Variants in BCLAF1 observed in about 807,000 individuals in gnomAD.
BCLAF1 encodes BCL2 associated transcription factor 1.
Under a neutral mutation model 99.5 loss-of-function variants are expected in BCLAF1, and 10 were observed. The observed-to-expected ratio is 0.10, with a 90% CI of 0.06 to 0.17. BCLAF1 has a LOEUF of 0.17. Ranked by LOEUF, BCLAF1 falls within the 10% of genes least tolerant of loss-of-function variation. The pLI is 1.00. For missense variants in BCLAF1, 636 were observed against 1,105.8 expected, an observed-to-expected ratio of 0.58 and a Z score of 6.02; for synonymous variants, 255 against 370.9, an observed-to-expected ratio of 0.69 and a Z score of 3.59.
Position 136,276,353 on chromosome 6 carries a change from T to C in BCLAF1, c.1172A>G (p.Lys391Arg). The change falls in exon 5 of 13, where the codon AAA becomes AGA. Residue 391 changes from lysine to arginine, a missense_variant. This residue lies in a region of BCLAF1 where 186 missense variants were observed against 275.3 expected (regional missense o/e 0.68). Transcript: ENST00000531224. ...LDYFSDKESGKQKFNDSEGDD... is the reference protein window; with the variant it reads ...LDYFSDKESGRQKFNDSEGDD... ...CCCTTCTGAATCATTAAACTTTTGT[T>C]TTCCAGACTCTTTATCACTGAAGTA... is the stretch of plus-strand genomic sequence containing the variant. The C allele has an allele frequency of 6.4e-7, 1 of 1,571,810 alleles. No homozygotes were observed. Among genetic ancestry groups the C allele is most frequent in the South Asian group, 1.2e-5 (1 of 85,214 alleles).
chr6:136,273,178 A>T lies in BCLAF1; in HGVS notation c.1862T>A (p.Phe621Tyr), dbSNP rs1222959651. Residue 621 changes from phenylalanine to tyrosine, a missense_variant, in exon 7 of 13, where the codon TTC becomes TAC. Around this residue, in one of 9 missense-constraint regions of BCLAF1, gnomAD observed 180 missense variants for 270.0 expected, o/e 0.67. Transcript: ENST00000531224. Reference sequence around the variant, plus strand: ...GTTTAGGGTCATTGCAGCTGACTTGAAGTATTGCTCTGTTGATTTAGAAGA... The same window carrying T: ...GTTTAGGGTCATTGCAGCTGACTTGTAGTATTGCTCTGTTGATTTAGAAGA... ...SLVHHVKEQYFKSAAMTLNER... is the reference protein window; with the variant it reads ...SLVHHVKEQYYKSAAMTLNER... 6.2e-7 allele frequency: 1 copy of T among 1,611,468 alleles called. No individual in the cohort carries two copies. The highest frequency in any genetic ancestry group is 8.5e-7 in the Non-Finnish European group (1 of 1,178,318).
At position 136,289,739 on chromosome 6, in the gene BCLAF1, A is replaced by T. The variant is rs1785724134; in HGVS notation, c.-141T>A. On this transcript the variant is annotated 5_prime_UTR_variant, in exon 1 of 13. Coordinates refer to ENST00000531224, the MANE Select transcript of BCLAF1 (RefSeq NM_014739.3). The stretch of plus-strand genomic sequence containing the variant: ...TGACACGCCGAATCGCGGTTCCGGG[A>T]ATTTATCTCCGTTGCAACCACACAG... 1 of 152,736 alleles carries T rather than the reference A, an allele frequency of 6.5e-6. No homozygotes were observed. The highest frequency in any genetic ancestry group is 2.4e-5 in the African/African-American group (1 of 41,464). The allele number at this position is 152,736 out of a possible 1,614,324, so 9.5% of individuals were successfully genotyped here.
chr6:136,268,590 A>G (rs1307455918), intron 9 of BCLAF1: 13 of 364,506 alleles, frequency 3.6e-5, no homozygotes, highest in Non-Finnish European at 5.0e-5. Flanking sequence ...GGTCAAGAAT[A>G]AGGTTCAGTT....
intron 11 of BCLAF1, 81 bp downstream of exon 11, chr6:136,266,948 G>T: frequency 6.7e-7 from 1 of 1,481,548 alleles, no homozygotes. Context: ...TATAGTAGTG[G>T]TTATCTGTAC....
At chr6:136,270,231 C>T (rs1054274658) in intron 8 of BCLAF1, 1 of 151,912 alleles carries the variant, frequency 6.6e-6, no homozygotes, top group Non-Finnish European at 1.5e-5. Flanking sequence ...GAAAGATATT[C>T]GCAATCCTGT....
Position 136,276,049 on chromosome 6 carries a change from T to C in BCLAF1, c.1476A>G (p.Lys492=). The stretch of plus-strand genomic sequence containing the variant: ...TTACCTGCTCAGGTGACTGAGTTTC[T>C]TTCTTTACTGTTATTCTTTCAGAAT... ...DKNSERITVK[K]ETQSPEQVKS... Residue 492 remains lysine (K), a synonymous_variant, in exon 5 of 13, where the codon AAA becomes AAG. Transcript: ENST00000531224. 6.2e-7 allele frequency: 1 copy of C among 1,603,774 alleles called. No homozygotes were observed. The highest frequency in any genetic ancestry group is 1.7e-5 in the Admixed American group (1 of 57,286).
intron 11 of BCLAF1, among the ~76,000 whole-genome samples, chr6:136,263,103 T>C (rs1390141995): frequency 6.6e-6 from 1 of 152,176 alleles, no homozygotes; most frequent in Non-Finnish European, 1.5e-5. Context: ...ATTCAACTAA[T>C]CCTCACAACA....
chr6:136,273,235 G>T (rs768596790), intron 6 of BCLAF1, 48 bp from the exon 7 acceptor site: 1 of 1,523,268 alleles, frequency 6.6e-7, no homozygotes, highest in Non-Finnish European at 9.0e-7. Context: ...TTTACTTTAA[G>T]AGAGATTTGT....
rs184183864 is a variant in BCLAF1, at chr6:136,266,887, C to T, written c.2544+142G>A. On this transcript the variant is annotated intron_variant, in intron 11 of 12. Transcript: ENST00000531224. ...ACCCACATTTTTCAAAATTTCAAAT[C>T]GTCTGGGTAATTATTTTAAAAAAGG... 2.9e-3 allele frequency: 3,147 copies of T among 1,095,642 alleles called. 10 individuals are homozygous for T. Among genetic ancestry groups the T allele is most frequent in the Middle Eastern group, 0.012 (39 of 3,210 alleles). The allele number at this position is 1,095,642 out of a possible 1,614,324, so 67.9% of individuals were successfully genotyped here. A position where few individuals can be genotyped will look rare whatever the true frequency, so the allele number is the denominator to read the frequency against.
rs566687953 is a variant in BCLAF1, at chr6:136,274,419, A to G, written c.1852+1113T>C. 3.9e-5 allele frequency among the ~76,000 whole-genome samples: 6 copies of G among 152,180 alleles called. No individual in the cohort carries two copies. In the South Asian group the frequency reaches 8.3e-4, roughly 21 times the overall value. ...AAAAAGATTAAAAAATTAAAAAAAA[A>G]AGAATGTTTCATATTTTATGTACCA... On this transcript the variant is annotated intron_variant, in intron 6 of 12. Transcript: ENST00000531224.
At chr6:136,273,979 C>T in intron 6 of BCLAF1, 1 of 1,224,912 alleles carries the variant, frequency 8.2e-7, no homozygotes, top group Non-Finnish European at 1.0e-6. Flanking sequence ...ATATCCAGCA[C>T]ATGTCTCATA....
intron 11 of BCLAF1, among the ~76,000 whole-genome samples, chr6:136,262,376 G>A (rs900237414): frequency 2.6e-5 from 4 of 152,080 alleles, no homozygotes; most frequent in Admixed American, 6.6e-5. Flanking sequence ...CAAACAAAAT[G>A]TTGTGTAATC....
At chr6:136,265,723 A>G (rs1170768768) in intron 11 of BCLAF1, among the ~76,000 whole-genome samples, 2 of 152,170 alleles carry the variant, frequency 1.3e-5, no homozygotes, top group Non-Finnish European at 2.9e-5. Flanking sequence ...CCTCTACAAA[A>G]GTCTCTCCTA....
chr6:136,268,037 A>G (rs913782631), intron 10 of BCLAF1, 125 bp downstream of exon 10: 3 of 952,908 alleles, frequency 3.1e-6, no homozygotes, highest in East Asian at 2.7e-5. Context: ...ATGTTTCAAT[A>G]CTATCTCTGA....
chr6:136,283,718 G>C (rs758889728), intron 1 of BCLAF1, among the ~76,000 whole-genome samples: 1 of 152,106 alleles, frequency 6.6e-6, no homozygotes, highest in Non-Finnish European at 1.5e-5. Context: ...ATACAAAGAA[G>C]AAATGGTAAC....
intron 1 of BCLAF1, among the ~76,000 whole-genome samples, chr6:136,283,925 T>G (rs1366943053): frequency 2.0e-5 from 3 of 151,894 alleles, no homozygotes; most frequent in Admixed American, 2.0e-4. Flanking sequence ...GTTTAGTTTT[T>G]AAAATATCAA....
chr6:136,274,321 A>T (rs974218980), intron 6 of BCLAF1: 1 of 322,254 alleles, frequency 3.1e-6, no homozygotes, highest in African/African-American at 2.2e-5. Context: ...AAAAGAAAAA[A>T]GAAAAAGGAA....
rs555026987 is a variant in BCLAF1, at chr6:136,279,565, C to T, written c.104+198G>A. 6.2e-4 allele frequency: 273 copies of T among 438,614 alleles called. 1 individual carries two copies. In the Middle Eastern group the frequency reaches 0.013, roughly 21 times the overall value. The allele number at this position is 438,614 out of a possible 1,614,324, so 27.2% of individuals were successfully genotyped here. ...GGAGTCAGACTAACTGGATTTCAATCCAAGCTCTGCCATTTACTAGAGCTT... is the reference window on the plus strand; with the variant it reads ...GGAGTCAGACTAACTGGATTTCAATTCAAGCTCTGCCATTTACTAGAGCTT... On this transcript the variant is annotated intron_variant, in intron 3 of 12. Coordinates refer to ENST00000531224, the MANE Select transcript of BCLAF1 (RefSeq NM_014739.3).
intron 11 of BCLAF1, among the ~76,000 whole-genome samples, chr6:136,265,525 T>C (rs534558040): frequency 6.6e-6 from 1 of 152,168 alleles, no homozygotes; most frequent in African/African-American, 2.4e-5. Context: ...TTGTAAACTC[T>C]GCTTAAAACT....
Sources: gnomAD v4.1 joint callset for allele counts (sites outside exome capture counted in the v4.1 genomes callset) on GRCh38, gnomAD v4.1.1 for gene constraint, gnomAD v4.1.1 regional missense constraint, MANE v1.5 for transcripts, NCBI Gene and HGNC (gene_info 2026-07-23, HGNC 2026-07-21) for gene names.